GRIP1: variants seen among roughly 807,000 people sequenced by gnomAD.
GRIP1 encodes the protein glutamate receptor-interacting protein 1.
A neutral mutation model predicts 129.9 loss-of-function variants in GRIP1; 45 were observed. That is an observed-to-expected ratio of 0.35 (90% confidence interval 0.27 to 0.44). The LOEUF (loss-of-function observed/expected upper bound fraction) is 0.44. Ranked by LOEUF, GRIP1 falls within the 20% of genes least tolerant of loss-of-function variation. The pLI is 1.00. For missense variants in GRIP1, 1,196 were observed against 1,396.8 expected, an observed-to-expected ratio of 0.86 and a Z score of 2.29; for synonymous variants, 530 against 520.8, an observed-to-expected ratio of 1.02 and a Z score of -0.24.
chr12:66,901,958 C>A (rs182031782), intron 1 of GRIP1, among the ~76,000 whole-genome samples: 135 of 152,294 alleles, frequency 8.9e-4, no homozygotes, highest in African/African-American at 3.1e-3. Flanking sequence ...GTATTTCTTG[C>A]TGAGTTGATC....
At chr12:66,916,843 C>G (rs927228708) in intron 1 of GRIP1, among the ~76,000 whole-genome samples, 3 of 152,144 alleles carry the variant, frequency 2.0e-5, no homozygotes, top group African/African-American at 4.8e-5. Context: ...GGCATTTACC[C>G]TACCTAGAGG....
chr12:67,033,271 G>GTATATATATATA (rs3051221), intron 1 of GRIP1, among the ~76,000 whole-genome samples: 2,536 of 142,874 alleles, frequency 0.018, 43 homozygotes, highest in Non-Finnish European at 0.026. Flanking sequence ...AAGACTACAT[G>GTATATATATATA]TATATATATA....
chr12:66,937,487 T>G (rs991399982), intron 1 of GRIP1, among the ~76,000 whole-genome samples: 1 of 152,178 alleles, frequency 6.6e-6, no homozygotes, highest in Non-Finnish European at 1.5e-5. Flanking sequence ...AATGGTAGTT[T>G]TTCTGAGATC....
chr12:66,352,530 T>C (rs2054281234), intron 24 of GRIP1, among the ~76,000 whole-genome samples: 2 of 151,886 alleles, frequency 1.3e-5, no homozygotes, highest in Non-Finnish European at 2.9e-5. Context: ...GTCAGGAGTA[T>C]GAGACCAGCC....
chr12:66,371,187 G>A (rs1261774424), intron 23 of GRIP1, among the ~76,000 whole-genome samples: 1 of 142,474 alleles, frequency 7.0e-6, no homozygotes, highest in African/African-American at 2.6e-5. Context: ...GGGACAGAGT[G>A]TTGCTCTGTC....
Position 66,737,413 on chromosome 12 carries a change from A to G in GRIP1, c.-420+66640T>C, listed in dbSNP as rs1050370336. The stretch of plus-strand genomic sequence containing the variant: ...ATTCTGCTGCCTCAACCTCCTGAGT[A>G]GCTGGAATTACAGGCGTGTGCCACC... On this transcript the variant is annotated intron_variant, in intron 1 of 4. Coordinates refer to the GRIP1 transcript ENST00000538373. Among the ~76,000 whole-genome samples the G allele has an allele frequency of 3.3e-5, 5 of 152,144 alleles. 1 individual carries two copies. The highest frequency in any genetic ancestry group is 1.2e-4 in the African/African-American group (5 of 41,430).
chr12:66,378,107 A>T (rs995364873), intron 20 of GRIP1, among the ~76,000 whole-genome samples: 3 of 145,460 alleles, frequency 2.1e-5, no homozygotes, highest in East Asian at 2.0e-4. Context: ...GTATCTTTTA[A>T]AAAAAAAAAA....
At chr12:66,942,039 T>C (rs895401166) in intron 1 of GRIP1, among the ~76,000 whole-genome samples, 3 of 152,214 alleles carry the variant, frequency 2.0e-5, no homozygotes, top group African/African-American at 4.8e-5. Flanking sequence ...ATCTGCTAGC[T>C]TTCATAGAAC....
intron 14 of GRIP1, among the ~76,000 whole-genome samples, chr12:66,425,127 T>C (rs1009289172): frequency 6.6e-6 from 1 of 152,200 alleles, no homozygotes; most frequent in African/African-American, 2.4e-5. Context: ...ACCTTCATAT[T>C]TGATTGACTA....
At chr12:66,545,847 T>C (rs2061932374) in intron 2 of GRIP1, among the ~76,000 whole-genome samples, 1 of 152,192 alleles carries the variant, frequency 6.6e-6, no homozygotes, top group African/African-American at 2.4e-5. Flanking sequence ...ATATCATATA[T>C]AATTGTTCAA....
chr12:66,966,757 G>A (rs1566098346), intron 1 of GRIP1, among the ~76,000 whole-genome samples: 1 of 152,170 alleles, frequency 6.6e-6, no homozygotes, highest in Non-Finnish European at 1.5e-5. Context: ...CCACAGAGGT[G>A]AAGTGTTATC....
chr12:66,682,577 T>C (rs756490768), upstream of GRIP1, among the ~76,000 whole-genome samples: 2 of 152,124 alleles, frequency 1.3e-5, no homozygotes, highest in African/African-American at 4.8e-5. Context: ...GTGGCACACA[T>C]AGCCCCATAA....
chr12:66,422,824 G>T (rs1592829797), intron 14 of GRIP1, among the ~76,000 whole-genome samples: 1 of 152,142 alleles, frequency 6.6e-6, no homozygotes, highest in African/African-American at 2.4e-5. Flanking sequence ...ACTCGATAGG[G>T]TGGATGCCCA....
At chr12:66,823,419 A>G (rs1181312359) in intron 1 of GRIP1, among the ~76,000 whole-genome samples, 1 of 152,164 alleles carries the variant, frequency 6.6e-6, no homozygotes, top group Admixed American at 6.6e-5. Flanking sequence ...TGATTACCCA[A>G]TAATGTCTAG....
chr12:66,484,274 T>A (rs1170128819), intron 7 of GRIP1, among the ~76,000 whole-genome samples: 1 of 152,242 alleles, frequency 6.6e-6, no homozygotes, highest in African/African-American at 2.4e-5. Flanking sequence ...GTAAGAGTCA[T>A]GCATATTGTT....
chr12:66,913,688 C>T (rs2041070213), intron 1 of GRIP1, among the ~76,000 whole-genome samples: 1 of 152,096 alleles, frequency 6.6e-6, no homozygotes, highest in East Asian at 1.9e-4. Context: ...TCAGCTGCTT[C>T]CTGGAGGTGG....
At chr12:66,453,613 CT>C (rs1308385310) in intron 11 of GRIP1, among the ~76,000 whole-genome samples, 1 of 152,150 alleles carries the variant, frequency 6.6e-6, no homozygotes, top group Non-Finnish European at 1.5e-5. Context: ...TTAAATTGTG[CT>C]TACTATTTAC....
At chr12:66,622,227 T>A (rs989715315) in intron 1 of GRIP1, among the ~76,000 whole-genome samples, 1 of 152,138 alleles carries the variant, frequency 6.6e-6, no homozygotes, top group East Asian at 1.9e-4. Context: ...CCTTGAGTTA[T>A]GCTACAAGTC....
rs757227837 is a variant in GRIP1, at chr12:66,392,519, G to C, written c.2270-17C>G. The C allele has an allele frequency of 2.5e-6, 4 of 1,610,786 alleles. No homozygotes were observed. Among genetic ancestry groups the C allele is most frequent in the Non-Finnish European group, 3.4e-6 (4 of 1,177,106 alleles). On this transcript the variant is annotated splice_polypyrimidine_tract_variant and intron_variant, in intron 18 of 24. Coordinates refer to ENST00000359742, the MANE Select transcript of GRIP1 (RefSeq NM_001366722.1). ...CTGACTGGGCTTTATAGACAGGAAAGGAGTTTAAGTATCAGAGTAAATTTA... is the reference window on the plus strand; with the variant it reads ...CTGACTGGGCTTTATAGACAGGAAACGAGTTTAAGTATCAGAGTAAATTTA...
Sources: allele counts gnomAD v4.1 joint callset (sites outside exome capture counted in the v4.1 genomes callset), GRCh38; gene constraint gnomAD v4.1.1; transcripts MANE v1.5; gene names NCBI Gene and HGNC (gene_info 2026-07-23, HGNC 2026-07-21).